MBP: variants seen among roughly 807,000 people sequenced by gnomAD.
The protein encoded by MBP is Golli-MBP.
In MBP, 16 loss-of-function variants were observed where a neutral mutation model predicts 35.8. The ratio of observed to expected loss-of-function variants is 0.45; its 90% confidence interval spans 0.30 to 0.68. The LOEUF (loss-of-function observed/expected upper bound fraction) is 0.68. MBP is among the 30% of genes least tolerant of loss of function. The pLI is 0.08. For synonymous variants in MBP, 143 were observed against 159.6 expected (o/e 0.90, Z 0.78); for missense variants, 380 against 404.7 (o/e 0.94, Z 0.52).
At chr18:77,099,601 C>T (rs1975915384) in intron 2 of MBP, among the ~76,000 whole-genome samples, 1 of 152,240 alleles carries the variant, frequency 6.6e-6, no homozygotes, top group South Asian at 2.1e-4. Flanking sequence ...GGGCTCCAGG[C>T]CTGGCTTTGC....
At position 76,997,975 on chromosome 18, in the gene MBP, C is replaced by A. The variant is rs1392582899; in HGVS notation, c.577-7915G>T. 5.9e-5 allele frequency among the ~76,000 whole-genome samples: 9 copies of A among 152,252 alleles called. No homozygotes were observed. In the East Asian group the frequency reaches 1.5e-3, roughly 26 times the overall value. ...GGGATTACAGGCGTGAGCCACCACG[C>A]CCGGCCTGAGCCACTTTTTAAAAAG... On this transcript the variant is annotated intron_variant, in intron 4 of 8. Coordinates refer to ENST00000355994, the MANE Select transcript of MBP (RefSeq NM_001025101.2).
chr18:77,097,464 T>C (rs1322608980), intron 2 of MBP: 2 of 152,266 alleles, frequency 1.3e-5, no homozygotes, highest in Non-Finnish European at 2.9e-5. Flanking sequence ...GTTGCTGCTC[T>C]GGGCGATGTC....
chr18:77,082,208 C>T (rs1183419681), intron 2 of MBP, among the ~76,000 whole-genome samples: 1 of 152,060 alleles, frequency 6.6e-6, no homozygotes, highest in East Asian at 1.9e-4. Context: ...TGTCCATCAA[C>T]TAGTCAATGA....
rs369366310 is a variant in MBP at position 76,988,444 on chromosome 18, G to C, written c.750+51C>G. On this transcript the variant is annotated intron_variant, in intron 7 of 8. Transcript: ENST00000355994. The surrounding 1 kb of genome is among the most constrained non-coding windows in gnomAD (Gnocchi z 5.2). Reference sequence around the variant, plus strand: ...AGCAGAACACAAAAGTTGCGGGGCTGTGAGGACTGGGACGGAAGAGGAAGC... The same window carrying C: ...AGCAGAACACAAAAGTTGCGGGGCTCTGAGGACTGGGACGGAAGAGGAAGC... The C allele has an allele frequency of 1.2e-6, 2 of 1,614,242 alleles. No homozygotes were observed. The highest frequency in any genetic ancestry group is 1.7e-6 in the Non-Finnish European group (2 of 1,180,046).
chr18:77,025,153 C>T (rs1046268044), intron 3 of MBP, among the ~76,000 whole-genome samples: 7 of 152,310 alleles, frequency 4.6e-5, no homozygotes, highest in East Asian at 1.9e-4. Flanking sequence ...AAACTCCCTC[C>T]GTATGTTCTA....
intron 3 of MBP, among the ~76,000 whole-genome samples, chr18:77,045,576 C>A (rs1274386525): frequency 6.6e-6 from 1 of 152,242 alleles, no homozygotes; most frequent in Non-Finnish European, 1.5e-5. Flanking sequence ...CCAACACCGA[C>A]TTCTGCTGCA....
rs148646362 is a variant in MBP, at chr18:77,130,405, G to A, written c.-26+2175C>T. On this transcript the variant is annotated intron_variant, in intron 1 of 8. Coordinates refer to ENST00000355994, the MANE Select transcript of MBP (RefSeq NM_001025101.2). Reference sequence around the variant, plus strand: ...CCTTGTTTCCTCAACAGTAAAAAATGAAGATATGAATAGGATGGTGACATC... The same window carrying A: ...CCTTGTTTCCTCAACAGTAAAAAATAAAGATATGAATAGGATGGTGACATC... Among the ~76,000 whole-genome samples the A allele has an allele frequency of 6.0e-4, 91 of 151,180 alleles. 1 individual carries two copies. Among genetic ancestry groups the A allele is most frequent in the African/African-American group, 2.1e-3 (86 of 40,606 alleles).
At chr18:77,061,749 C>G (rs544712066) in intron 3 of MBP, among the ~76,000 whole-genome samples, 31 of 152,340 alleles carry the variant, frequency 2.0e-4, no homozygotes, top group African/African-American at 7.5e-4. Flanking sequence ...TTTTTTCCTA[C>G]TGTCAGCTAA....
At chr18:77,069,305 G>C (rs1453432154) in intron 2 of MBP, among the ~76,000 whole-genome samples, 1 of 152,124 alleles carries the variant, frequency 6.6e-6, no homozygotes, top group Non-Finnish European at 1.5e-5. Context: ...CTAAAACTTG[G>C]AAAATAAATA....
intron 3 of MBP, among the ~76,000 whole-genome samples, chr18:77,049,515 T>C (rs773658033): frequency 4.0e-5 from 6 of 151,790 alleles, no homozygotes; most frequent in Non-Finnish European, 8.8e-5. Context: ...TTGGGAGGAG[T>C]ATTTTGCCTA....
At chr18:77,014,016 T>C in intron 4 of MBP, 1 of 985,426 alleles carries the variant, frequency 1.0e-6, no homozygotes, top group Non-Finnish European at 1.2e-6. Flanking sequence ...CCCTAAGTGC[T>C]CACCCATTCC....
At chr18:77,061,118 T>C (rs946031096) in intron 3 of MBP, among the ~76,000 whole-genome samples, 1 of 151,576 alleles carries the variant, frequency 6.6e-6, no homozygotes, top group Non-Finnish European at 1.5e-5. Flanking sequence ...GCAGGTCCTC[T>C]GATGGCTAGA....
At chr18:76,985,578 C>A in intron 7 of MBP, 23 of 1,091,516 alleles carry the variant, frequency 2.1e-5, no homozygotes, top group Non-Finnish European at 2.6e-5. Flanking sequence ...AACAGGAGGC[C>A]GGGGCTGCTG....
At chr18:76,999,290 G>A (rs879424791) in intron 4 of MBP, among the ~76,000 whole-genome samples, 3 of 152,154 alleles carry the variant, frequency 2.0e-5, no homozygotes, top group Admixed American at 2.0e-4. Flanking sequence ...GGAGGAGACC[G>A]CTGAGGGCCT....
At chr18:77,007,908 T>C (rs1283226458) in intron 4 of MBP, among the ~76,000 whole-genome samples, 1 of 152,232 alleles carries the variant, frequency 6.6e-6, no homozygotes, top group Non-Finnish European at 1.5e-5. Context: ...ACAGAAGGGC[T>C]GCTTTTCCCT....
intron 4 of MBP, among the ~76,000 whole-genome samples, chr18:76,996,819 T>C (rs1276679567): frequency 1.3e-5 from 2 of 152,166 alleles, no homozygotes; most frequent in Non-Finnish European, 2.9e-5. Flanking sequence ...TCACAACTCA[T>C]AGAAGTGTAC....
At chr18:77,046,401 C>T (rs78372197) in intron 3 of MBP, among the ~76,000 whole-genome samples, 1,766 of 152,338 alleles carry the variant, frequency 0.012, 31 homozygotes, top group African/African-American at 0.04. Flanking sequence ...ACTTGCTCCC[C>T]GGAAGGGAAA....
intron 2 of MBP, among the ~76,000 whole-genome samples, chr18:77,090,704 G>A (rs1975478002): frequency 6.6e-6 from 1 of 152,112 alleles, no homozygotes; most frequent in South Asian, 2.1e-4. Context: ...TTCCTTATCA[G>A]CCTCACCTTC....
intron 3 of MBP, among the ~76,000 whole-genome samples, chr18:77,055,920 C>T (rs1568316226): frequency 2.0e-5 from 3 of 152,194 alleles, no homozygotes; most frequent in Admixed American, 1.3e-4. Context: ...TTTAGAGCAG[C>T]TGTTGGAATT....
Sources: allele counts gnomAD v4.1 joint callset (sites outside exome capture counted in the v4.1 genomes callset), GRCh38; gene constraint gnomAD v4.1.1; non-coding constraint Gnocchi (gnomAD v3.1); transcripts MANE v1.5; gene names NCBI Gene and HGNC (gene_info 2026-07-23, HGNC 2026-07-21).